Variants in ANKFY1 observed in about 807,000 individuals in gnomAD.
ANKFY1 encodes the protein ankyrin repeat and FYVE domain containing 1, also known as ankyrin repeat and FYVE domain-containing protein 1.
Under a neutral mutation model 128.3 loss-of-function variants are expected in ANKFY1, and 47 were observed. That is an observed-to-expected ratio of 0.37 (90% CI 0.29 to 0.47). The LOEUF (loss-of-function observed/expected upper bound fraction) is 0.47, where lower values mean the gene tolerates loss of function less well. Among genes scored for constraint, ANKFY1 ranks in the 20% least tolerant of loss-of-function variants. The pLI is 1.00. For synonymous variants in ANKFY1, 553 were observed against 601.6 expected, an observed-to-expected ratio of 0.92 and a Z score of 1.18; for missense variants, 1,222 against 1,510.6, an observed-to-expected ratio of 0.81 and a Z score of 3.17.
At position 4,172,960 on chromosome 17, in the gene ANKFY1, C is replaced by T. The variant is rs141230577; in HGVS notation, c.3015-280G>A. Among the ~76,000 whole-genome samples, 782 of 152,286 alleles carry T rather than the reference C, an allele frequency of 5.1e-3. 5 individuals carry two copies. The highest frequency in any genetic ancestry group is 0.018 in the African/African-American group (761 of 41,554). Reference sequence around the variant, plus strand: ...CTGCAAGCTCCGCCTCCCGGGTTCACGCCATTCTCCTGCCTCAGCCTGAGT... The same window carrying T: ...CTGCAAGCTCCGCCTCCCGGGTTCATGCCATTCTCCTGCCTCAGCCTGAGT... On this transcript the variant is annotated intron_variant, in intron 21 of 24. Coordinates refer to ENST00000341657, the MANE Select transcript of ANKFY1 (RefSeq NM_001330063.2).
intron 4 of ANKFY1, among the ~76,000 whole-genome samples, chr17:4,212,193 A>G (rs2143018884): frequency 6.6e-6 from 1 of 152,322 alleles, no homozygotes; most frequent in South Asian, 2.1e-4. Flanking sequence ...GACGACTAGT[A>G]TGGTTTCACG....
intron 11 of ANKFY1, chr17:4,186,626 C>T (rs1272107668): frequency 1.7e-5 from 3 of 179,982 alleles, no homozygotes; most frequent in Non-Finnish European, 3.2e-5. Context: ...CTTCCCATCC[C>T]AAATCCTCCC....
intron 1 of ANKFY1, among the ~76,000 whole-genome samples, chr17:4,255,158 C>T (rs1329311915): frequency 6.6e-6 from 1 of 152,126 alleles, no homozygotes; most frequent in Admixed American, 6.5e-5. Context: ...ATTCACATCA[C>T]CCTGGCATTT....
At chr17:4,256,067 C>T (rs577832108) in intron 1 of ANKFY1, among the ~76,000 whole-genome samples, 17 of 152,172 alleles carry the variant, frequency 1.1e-4, no homozygotes, top group Middle Eastern at 6.8e-3. Flanking sequence ...CTGCCCGCCT[C>T]GGCCTCCCAA....
At chr17:4,218,256 GTACTAAGA>G (rs1204954191) in intron 3 of ANKFY1, among the ~76,000 whole-genome samples, 2 of 152,150 alleles carry the variant, frequency 1.3e-5, no homozygotes, top group Admixed American at 6.5e-5. Context: ...AAAGAAAAAT[GTACTAAGA>G]TGCTCAGCAC....
chr17:4,183,224 C>T (rs2059547293), intron 14 of ANKFY1, among the ~76,000 whole-genome samples, 174 bp downstream of exon 14: 1 of 152,216 alleles, frequency 6.6e-6, no homozygotes, highest in South Asian at 2.1e-4. Context: ...CCATTACAAT[C>T]AAGTCTTTTG....
At chr17:4,191,619 C>T (rs182475213) in intron 10 of ANKFY1, among the ~76,000 whole-genome samples, 3,283 of 132,436 alleles carry the variant, frequency 0.025, 103 homozygotes, top group African/African-American at 0.074. Flanking sequence ...CTGGAGACTC[C>T]TAGTTGATGG....
chr17:4,250,672 A>ATT (rs35277270), intron 1 of ANKFY1, among the ~76,000 whole-genome samples: 32 of 151,458 alleles, frequency 2.1e-4, no homozygotes, highest in Middle Eastern at 3.4e-3. Flanking sequence ...AATGATTCTA[A>ATT]TTTTTTTTTC....
chr17:4,247,994 C>A (rs909203531), intron 1 of ANKFY1, among the ~76,000 whole-genome samples: 2 of 152,232 alleles, frequency 1.3e-5, no homozygotes, highest in Admixed American at 1.3e-4. Context: ...TCCCTGCACA[C>A]TGATAGCCCA....
intron 5 of ANKFY1, 21 bp downstream of exon 5, chr17:4,209,803 G>A: frequency 1.9e-6 from 3 of 1,596,238 alleles, no homozygotes; most frequent in Non-Finnish European, 2.6e-6. Flanking sequence ...GTGCTTTGTT[G>A]ACACCCTCAA....
Position 4,181,273 on chromosome 17 carries a change from C to A in ANKFY1, c.2221G>T (p.Ala741Ser), listed in dbSNP as rs751831487. 1.9e-6 allele frequency: 3 copies of A among 1,613,936 alleles called. No individual in the cohort carries two copies. The Admixed American group carries it at 5.0e-5, about 27-fold the overall frequency. Reference protein sequence around the residue: ...RAIDENNEPTACFLIRSGCDV... With the variant: ...RAIDENNEPTSCFLIRSGCDV... ...TCAGACCTGCGAATAAGAAAGCAGG[C>A]GGTGGGCTCGTTGTTTTCATCAATG... is the stretch of plus-strand genomic sequence containing the variant. The change falls in exon 16 of 25, where the codon GCC (alanine) becomes TCC (serine). Residue 741 changes from alanine (A) to serine (S), a missense_variant. Physicochemically the swap from Ala to Ser is moderately conservative, Grantham distance 99. Transcript: ENST00000341657. The surrounding 1 kb of genome is among the most constrained non-coding windows in gnomAD (Gnocchi z 4.9).
chr17:4,208,156 T>A, intron 5 of ANKFY1, 74 bp from the exon 6 acceptor site: 1 of 1,431,954 alleles, frequency 7.0e-7, no homozygotes, highest in Non-Finnish European at 9.4e-7. Context: ...AGCAAGCCTC[T>A]CAAATGCATC....
chr17:4,194,889 G>T, intron 10 of ANKFY1, 89 bp downstream of exon 10: 1 of 1,249,878 alleles, frequency 8.0e-7, no homozygotes, highest in Non-Finnish European at 1.2e-6. Context: ...ATGCCGTTCA[G>T]TTTCTAAATT....
chr17:4,242,709 C>T (rs747844163), intron 1 of ANKFY1, among the ~76,000 whole-genome samples: 1 of 152,042 alleles, frequency 6.6e-6, no homozygotes. Context: ...TCCTGGGCAA[C>T]GTACTGTCTC....
rs1165603381 is a variant in ANKFY1 at position 4,165,755 on chromosome 17, T to C, written c.*2024A>G. 7 of 152,180 alleles carry C rather than the reference T, an allele frequency of 4.6e-5. No homozygotes were observed. The highest frequency in any genetic ancestry group is 7.2e-5 in the African/African-American group (3 of 41,438). 9.4% of individuals were successfully genotyped at this position (152,180 alleles called of 1,614,324 possible). ...ATTCTGAGTGCAATGACAGGCAAGA[T>C]TGTTATTGAAATTGGTATGGTAGGG... On this transcript the variant is annotated 3_prime_UTR_variant, in exon 25 of 25. Coordinates refer to ENST00000341657, the MANE Select transcript of ANKFY1 (RefSeq NM_001330063.2).
intron 3 of ANKFY1, among the ~76,000 whole-genome samples, chr17:4,219,355 A>G (rs1029384000): frequency 2.6e-5 from 4 of 152,222 alleles, no homozygotes; most frequent in Non-Finnish European, 4.4e-5. Flanking sequence ...ATTCAGCCTC[A>G]TCTGATAACT....
intron 6 of ANKFY1, 32 bp downstream of exon 6, chr17:4,207,901 G>A: frequency 6.5e-7 from 1 of 1,541,542 alleles, no homozygotes; most frequent in Non-Finnish European, 8.7e-7. Flanking sequence ...AGAGTTTCGG[G>A]AAATGAAGAA....
chr17:4,193,822 C>T (rs1051824750), intron 10 of ANKFY1, among the ~76,000 whole-genome samples: 20 of 151,680 alleles, frequency 1.3e-4, no homozygotes, highest in East Asian at 3.9e-4. Flanking sequence ...TGCAGTGACG[C>T]GATCTTGGCT....
rs1403485759 is a variant in ANKFY1, at chr17:4,222,476, T to C, written c.323-5358A>G. On this transcript the variant is annotated intron_variant, in intron 3 of 24. Coordinates refer to ENST00000341657, the MANE Select transcript of ANKFY1 (RefSeq NM_001330063.2). ...TTCCAAGCGGACAATGTTTTGGCAA[T>C]GGACCTGCCCCAGGGCAACATTTCT... The C allele has an allele frequency of 5.9e-6, 5 of 843,468 alleles. No individual in the cohort carries two copies. In the African/African-American group the frequency reaches 8.3e-5, roughly 14 times the overall value. The allele number at this position is 843,468 out of a possible 1,614,324, so 52.2% of individuals were successfully genotyped here. A position where few individuals can be genotyped will look rare whatever the true frequency, so the allele number is the denominator to read the frequency against.
Sources: gnomAD v4.1 joint callset for allele counts (sites outside exome capture counted in the v4.1 genomes callset) on GRCh38, gnomAD v4.1.1 for gene constraint, Gnocchi (gnomAD v3.1) non-coding constraint, MANE v1.5 for transcripts, NCBI Gene and HGNC (gene_info 2026-07-23, HGNC 2026-07-21) for gene names.